TAF1A: variants seen among roughly 807,000 people sequenced by gnomAD.
The protein encoded by TAF1A is TATA box-binding protein-associated factor RNA polymerase I subunit A.
In TAF1A, 42 loss-of-function variants were observed where a neutral mutation model predicts 61.6. That is an observed-to-expected ratio of 0.68 (90% confidence interval 0.53 to 0.88). TAF1A has a LOEUF of 0.88. Ranked by LOEUF, TAF1A falls within the 40% of genes least tolerant of loss-of-function variation. TAF1A has a pLI of 0.00. For synonymous variants in TAF1A, 179 were observed against 177.7 expected (o/e 1.01, Z -0.06); for missense variants, 424 against 518.7 (o/e 0.82, Z 1.77).
chr1:222,586,645 A>C (rs1214740245), intron 2 of TAF1A, among the ~76,000 whole-genome samples: 1 of 152,338 alleles, frequency 6.6e-6, no homozygotes, highest in East Asian at 1.9e-4. Context: ...GAAACTTATC[A>C]ATCTGTCAAC....
intron 7 of TAF1A, chr1:222,568,993 A>C (rs1660232116): frequency 6.2e-6 from 1 of 162,182 alleles, no homozygotes; most frequent in African/African-American, 2.4e-5. Flanking sequence ...TGACTACATA[A>C]GAGTCCATTT....
chr1:222,569,720 C>T lies in TAF1A; in HGVS notation c.736-52G>A, dbSNP rs1874809. ...AGCTGAATTCTGTAAGACAGCTATA[C>T]GAAAAATAATACACAGCATAAGTTT... On this transcript the variant is annotated intron_variant, in intron 6 of 10. Coordinates refer to ENST00000352967, the MANE Select transcript of TAF1A (RefSeq NM_005681.4). 14,855 of 1,502,512 alleles carry T rather than the reference C, an allele frequency of 9.9e-3. 1,092 individuals are homozygous for T. In the African/African-American group the frequency reaches 0.17, roughly 17 times the overall value. 93.1% of individuals were successfully genotyped at this position (1,502,512 alleles called of 1,614,324 possible).
In TAF1A at chr1:222,579,794, G is replaced by A. The variant is rs532821908; in HGVS notation, c.370C>T (p.Arg124Trp). The change falls in exon 4 of 11, where the codon CGG (arginine) becomes TGG (tryptophan). Residue 124 changes from arginine (R) to tryptophan (W), a missense_variant. Physicochemically the swap from Arg to Trp is moderately radical, Grantham distance 101 (BLOSUM62 -3). Transcript: ENST00000352967. The part of the protein sequence containing the change: ...NMESFNTFAN[R>W]MKNIGVMNYL... ...TTCATGACGCCAATATTTTTCATCC[G>A]GTTAGCAAAAGTATTGAAACTCTCC... The A allele has an allele frequency of 1.9e-5, 30 of 1,610,442 alleles. No homozygotes were observed. Among genetic ancestry groups the A allele is most frequent in the Admixed American group, 3.4e-5 (2 of 59,218 alleles).
At chr1:222,555,479 C>T (rs955296952), downstream of TAF1A, among the ~76,000 whole-genome samples, 20 of 152,226 alleles carry the variant, frequency 1.3e-4, no homozygotes, top group Non-Finnish European at 2.4e-4. Flanking sequence ...AAATACTGCA[C>T]GATCATCTCA....
At chr1:222,564,191 C>CTT in intron 7 of TAF1A, 66 bp from the exon 8 acceptor site, 1 of 1,068,174 alleles carries the variant, frequency 9.4e-7, no homozygotes, top group South Asian at 1.5e-5. Flanking sequence ...TTTCAGCTTA[C>CTT]TTTCAAAATA....
chr1:222,557,152 G>T (rs74148131), downstream of TAF1A, among the ~76,000 whole-genome samples: 50,606 of 152,024 alleles, frequency 0.33, 8,879 homozygotes, highest in Admixed American at 0.45. Flanking sequence ...TGTGTGTCTC[G>T]CCATCTAAAT....
rs1289906673 is a variant in TAF1A, at chr1:222,584,263, C to T, written c.156G>A (p.Gln52=). 2.5e-6 allele frequency: 4 copies of T among 1,609,226 alleles called. No homozygotes were observed. Among genetic ancestry groups the T allele is most frequent in the Non-Finnish European group, 3.4e-6 (4 of 1,178,958 alleles). The change falls in exon 3 of 11, where the codon CAG becomes CAA. Residue 52 remains glutamine, a synonymous_variant. Coordinates refer to ENST00000352967, the MANE Select transcript of TAF1A (RefSeq NM_005681.4). ...TAAAACTTAAACAAGCACTTGTTGT[C>T]TGAGCAAAATCCTTCCTCCTTTTCC... ...IGGKRRKDFA[Q]TTSACLSFIQ...
intron 5 of TAF1A, among the ~76,000 whole-genome samples, chr1:222,576,679 T>A (rs1377489049): frequency 6.6e-6 from 1 of 152,196 alleles, no homozygotes; most frequent in Non-Finnish European, 1.5e-5. Flanking sequence ...TTATAACCTT[T>A]ACACAAAAAT....
intron 5 of TAF1A, among the ~76,000 whole-genome samples, chr1:222,571,231 C>T (rs568835323): frequency 6.6e-6 from 1 of 152,212 alleles, no homozygotes; most frequent in South Asian, 2.1e-4. Flanking sequence ...GAAGGAACTT[C>T]CTCAATCTGA....
chr1:222,571,707 GAAA>G (rs889832754), intron 5 of TAF1A, among the ~76,000 whole-genome samples: 1 of 151,884 alleles, frequency 6.6e-6, no homozygotes, highest in Non-Finnish European at 1.5e-5. Flanking sequence ...TGATACTGTT[GAAA>G]AAAAATTTTT....
Position 222,561,290 on chromosome 1 carries a change from A to G in TAF1A, c.1240+74T>C, listed in dbSNP as rs536129809. The stretch of plus-strand genomic sequence containing the variant: ...TTAGGTACCATGTTAGGTAAGCTCT[A>G]AATGAAGGCCATACTTCATAATTTC... On this transcript the variant is annotated intron_variant, in intron 10 of 10. Coordinates refer to ENST00000352967, the MANE Select transcript of TAF1A (RefSeq NM_005681.4). 3.9e-5 allele frequency: 58 copies of G among 1,469,532 alleles called. No homozygotes were observed. The East Asian group carries it at 1.2e-3, about 32-fold the overall frequency. The allele number at this position is 1,469,532 out of a possible 1,614,324, so 91.0% of individuals were successfully genotyped here.
chr1:222,582,133 G>A (rs1660812532), intron 3 of TAF1A, among the ~76,000 whole-genome samples: 1 of 152,168 alleles, frequency 6.6e-6, no homozygotes. Context: ...TAATGAAAAA[G>A]CTTTGAAGCA....
intron 4 of TAF1A, 25 bp from the exon 5 acceptor site, chr1:222,577,668 G>A (rs773522353): frequency 3.5e-5 from 55 of 1,590,942 alleles, no homozygotes; most frequent in Middle Eastern, 1.7e-4. Context: ...AGGGTACACC[G>A]CCATTTAAGC....
At chr1:222,577,349 C>G in intron 5 of TAF1A, 96 bp downstream of exon 5, 1 of 939,910 alleles carries the variant, frequency 1.1e-6, no homozygotes. Context: ...TCCATAATAT[C>G]TGGATGAAGT....
At chr1:222,561,541 G>A in intron 9 of TAF1A, 23 bp from the exon 10 acceptor site, 1 of 1,580,886 alleles carries the variant, frequency 6.3e-7, no homozygotes, top group Non-Finnish European at 8.6e-7. Flanking sequence ...AATGTCAAAA[G>A]AGAGGGTCAA....
rs1055388134 is a variant in TAF1A, at chr1:222,558,464, AACAG to A, written c.*192_*195del. 2.5e-4 allele frequency: 65 copies of A among 257,360 alleles called. No individual in the cohort carries two copies. The highest frequency in any genetic ancestry group is 1.3e-3 in the African/African-American group (59 of 45,186). The allele number at this position is 257,360 out of a possible 1,614,324, so 15.9% of individuals were successfully genotyped here. On this transcript the variant is annotated 3_prime_UTR_variant, in exon 11 of 11. Coordinates refer to ENST00000352967, the MANE Select transcript of TAF1A (RefSeq NM_005681.4). ...TAACATTTAACATTACAAAAAAGAA[AACAG>A]ACATAGTTACAAAGAGCAAAGGCAG... is the stretch of plus-strand genomic sequence containing the variant.
intron 3 of TAF1A, among the ~76,000 whole-genome samples, chr1:222,580,395 AT>A (rs1400926275): frequency 6.6e-6 from 1 of 152,186 alleles, no homozygotes; most frequent in Admixed American, 6.5e-5. Context: ...ATAAAAAAAT[AT>A]TTTATCCTCA....
intron 5 of TAF1A, among the ~76,000 whole-genome samples, chr1:222,574,798 G>A (rs1274797769): frequency 6.6e-6 from 1 of 152,156 alleles, no homozygotes; most frequent in East Asian, 1.9e-4. Flanking sequence ...GTTTACAAAT[G>A]TATACATGAG....
intron 8 of TAF1A, 70 bp downstream of exon 8, chr1:222,563,989 C>T: frequency 1.1e-6 from 1 of 936,124 alleles, no homozygotes; most frequent in Non-Finnish European, 1.7e-6. Context: ...AGCCGATGGG[C>T]TAAACTAGTT....
Sources: gnomAD v4.1 joint callset for allele counts (sites outside exome capture counted in the v4.1 genomes callset) on GRCh38, gnomAD v4.1.1 for gene constraint, MANE v1.5 for transcripts, NCBI Gene and HGNC (gene_info 2026-07-23, HGNC 2026-07-21) for gene names.